Variants in ELP4 observed in about 807,000 individuals in gnomAD.
The protein encoded by ELP4 is elongator acetyltransferase complex subunit 4.
Under a neutral mutation model 48.9 loss-of-function variants are expected in ELP4, and 51 were observed. The observed-to-expected ratio is 1.04, with a 90% CI of 0.83 to 1.32. The LOEUF is 1.32. ELP4 is among the 40% of genes most tolerant of loss of function. ELP4 has a pLI of 0.00. For missense variants in ELP4, 519 were observed against 514.6 expected, an observed-to-expected ratio of 1.01 and a Z score of -0.08; for synonymous variants, 210 against 189.2, an observed-to-expected ratio of 1.11 and a Z score of -0.90.
chr11:31,620,624 G>A (rs575800586), intron 5 of ELP4, among the ~76,000 whole-genome samples: 1 of 152,166 alleles, frequency 6.6e-6, no homozygotes, highest in South Asian at 2.1e-4. Flanking sequence ...ATGACCCAGA[G>A]TTGGGTAGAT....
At chr11:31,660,593 CAT>C (rs1214244857) in intron 9 of ELP4, among the ~76,000 whole-genome samples, 1 of 152,028 alleles carries the variant, frequency 6.6e-6, no homozygotes, top group Non-Finnish European at 1.5e-5. Context: ...GATTAAAATA[CAT>C]AGTTACAGCT....
chr11:31,735,549 A>G (rs930804285), intron 9 of ELP4, among the ~76,000 whole-genome samples: 1 of 152,206 alleles, frequency 6.6e-6, no homozygotes, highest in Non-Finnish European at 1.5e-5. Context: ...CTGTTTGCAG[A>G]TGACATGATT....
intron 3 of ELP4, among the ~76,000 whole-genome samples, chr11:31,592,695 CATT>C (rs1397259323): frequency 1.3e-5 from 2 of 151,536 alleles, no homozygotes; most frequent in African/African-American, 2.4e-5. Flanking sequence ...AACTTGGAAT[CATT>C]ATAATTTTCA....
At chr11:31,585,408 CAA>C (rs1190972089) in intron 3 of ELP4, among the ~76,000 whole-genome samples, 1 of 149,636 alleles carries the variant, frequency 6.7e-6, no homozygotes, top group Non-Finnish European at 1.5e-5. Context: ...TGAAATCTCA[CAA>C]GAGAATAAAG....
chr11:31,720,949 G>A (rs1565126322), intron 9 of ELP4, among the ~76,000 whole-genome samples: 1 of 152,170 alleles, frequency 6.6e-6, no homozygotes, highest in African/African-American at 2.4e-5. Flanking sequence ...AGAAATGGAG[G>A]CTATTGCTCA....
intron 3 of ELP4, among the ~76,000 whole-genome samples, chr11:31,569,731 A>G (rs533312940): frequency 1.3e-5 from 2 of 152,200 alleles, no homozygotes; most frequent in Non-Finnish European, 2.9e-5. Flanking sequence ...GTCTCAAAAA[A>G]AGGAAGACAT....
At chr11:31,686,785 A>C (rs866590201) in intron 9 of ELP4, among the ~76,000 whole-genome samples, 1 of 151,670 alleles carries the variant, frequency 6.6e-6, no homozygotes, top group Non-Finnish European at 1.5e-5. Context: ...GGGAGGATCA[A>C]TTGAGCTGGG....
chr11:31,738,020 C>G (rs1038643580), intron 9 of ELP4, among the ~76,000 whole-genome samples: 1 of 151,874 alleles, frequency 6.6e-6, no homozygotes, highest in African/African-American at 2.4e-5. Flanking sequence ...CCATAATAGC[C>G]AAGAGGTGAG....
intron 7 of ELP4, among the ~76,000 whole-genome samples, chr11:31,640,107 G>A (rs918675604): frequency 1.3e-5 from 2 of 151,846 alleles, no homozygotes; most frequent in African/African-American, 4.8e-5. Flanking sequence ...GGGGGTGTGG[G>A]GAGCCCTGTG....
In ELP4 at chr11:31,785,615, C is replaced by G. The variant is rs542787301; in HGVS notation, c.*2091C>G. The G allele has an allele frequency of 5.1e-6, 1 of 197,152 alleles. No homozygotes were observed. Among genetic ancestry groups the G allele is most frequent in the African/African-American group, 2.3e-5 (1 of 43,452 alleles). 12.2% of individuals were successfully genotyped at this position (197,152 alleles called of 1,614,324 possible). A position where few individuals can be genotyped will look rare whatever the true frequency, so the allele number is the denominator to read the frequency against. ...GCTTTCCAAAAATCATATCCAAGTG[C>G]TTTGTTTTTCTAATTCACTGGGCCG... On this transcript the variant is annotated 3_prime_UTR_variant, in exon 10 of 10. Coordinates refer to ENST00000640961, the MANE Select transcript of ELP4 (RefSeq NM_019040.5).
intron 9 of ELP4, among the ~76,000 whole-genome samples, chr11:31,669,080 A>G (rs1945747953): frequency 7.2e-6 from 1 of 139,436 alleles, no homozygotes; most frequent in Non-Finnish European, 1.5e-5. Flanking sequence ...TCTTTTATTT[A>G]TTTTTATTTT....
intron 9 of ELP4, among the ~76,000 whole-genome samples, chr11:31,731,663 A>C (rs549689081): frequency 6.6e-6 from 1 of 151,580 alleles, no homozygotes; most frequent in East Asian, 1.9e-4. Flanking sequence ...AGTGGAAACA[A>C]CTCCCCAAAT....
chr11:31,591,766 A>G (rs1592143129), intron 3 of ELP4, among the ~76,000 whole-genome samples: 1 of 152,316 alleles, frequency 6.6e-6, no homozygotes, highest in Admixed American at 6.5e-5. Flanking sequence ...GTATATACCA[A>G]AGACAGTGGA....
chr11:31,759,481 G>T (rs995805519), intron 9 of ELP4, among the ~76,000 whole-genome samples: 9 of 152,052 alleles, frequency 5.9e-5, no homozygotes, highest in African/African-American at 2.2e-4. Flanking sequence ...AGGGAGATTT[G>T]TCCTAAAAGG....
intron 9 of ELP4, among the ~76,000 whole-genome samples, chr11:31,677,100 A>T (rs571836199): frequency 6.6e-6 from 1 of 152,346 alleles, no homozygotes; most frequent in South Asian, 2.1e-4. Context: ...ATATAGTCTA[A>T]TTGGCAATCA....
chr11:31,543,302 G>T lies in ELP4; in HGVS notation c.381+3519G>T, dbSNP rs1956623256. The stretch of plus-strand genomic sequence containing the variant: ...AGGTGTTTGGCAAACTCCAAGTTTT[G>T]TTGTTGTTGTTGTTTGTTTTTTGTT... On this transcript the variant is annotated intron_variant, in intron 3 of 9. Coordinates refer to ENST00000640961, the MANE Select transcript of ELP4 (RefSeq NM_019040.5). Among the ~76,000 whole-genome samples the T allele has an allele frequency of 4.0e-5, 6 of 151,836 alleles. No individual in the cohort carries two copies. In the South Asian group the frequency reaches 1.3e-3, roughly 32 times the overall value.
At chr11:31,720,320 C>T (rs1323346871) in intron 9 of ELP4, among the ~76,000 whole-genome samples, 2 of 151,396 alleles carry the variant, frequency 1.3e-5, no homozygotes, top group East Asian at 1.9e-4. Flanking sequence ...TTTTACTTTC[C>T]TTTGACCTCG....
chr11:31,516,536 C>A (rs1956114090), intron 1 of ELP4, among the ~76,000 whole-genome samples: 1 of 152,200 alleles, frequency 6.6e-6, no homozygotes, highest in African/African-American at 2.4e-5. Context: ...CACATTGTTA[C>A]CCTGGCTGGA....
chr11:31,618,171 G>A (rs985230617), intron 5 of ELP4, among the ~76,000 whole-genome samples: 1 of 152,096 alleles, frequency 6.6e-6, no homozygotes, highest in African/African-American at 2.4e-5. Context: ...TACTGATACA[G>A]GGTACAGCTC....
Sources: allele counts gnomAD v4.1 joint callset (sites outside exome capture counted in the v4.1 genomes callset), GRCh38; gene constraint gnomAD v4.1.1; transcripts MANE v1.5; gene names NCBI Gene and HGNC (gene_info 2026-07-23, HGNC 2026-07-21).